RAD51B: variants seen among roughly 807,000 people sequenced by gnomAD.
The protein encoded by RAD51B is RAD51 paralog B.
Under a neutral mutation model 42.2 loss-of-function variants are expected in RAD51B, and 38 were observed. The observed-to-expected ratio is 0.90, with a 90% CI of 0.70 to 1.18. RAD51B has a LOEUF of 1.18. RAD51B is among the 50% of genes most tolerant of loss of function. RAD51B has a pLI of 0.00. For missense variants in RAD51B, 373 were observed against 400.7 expected (o/e 0.93, Z 0.59); for synonymous variants, 154 against 145.2 (o/e 1.06, Z -0.43).
At chr14:68,255,452 C>T (rs2080733658) in intron 7 of RAD51B, among the ~76,000 whole-genome samples, 1 of 152,166 alleles carries the variant, frequency 6.6e-6, no homozygotes, top group Non-Finnish European at 1.5e-5. Flanking sequence ...TACTTTCATA[C>T]CTTAGTTACC....
At chr14:68,555,132 T>C (rs1008875072) in intron 10 of RAD51B, among the ~76,000 whole-genome samples, 2 of 152,116 alleles carry the variant, frequency 1.3e-5, no homozygotes, top group Non-Finnish European at 2.9e-5. Flanking sequence ...AGGCATGAGC[T>C]ACCGTGCCCG....
chr14:68,437,410 T>G (rs1164267081), intron 9 of RAD51B, among the ~76,000 whole-genome samples: 1 of 152,220 alleles, frequency 6.6e-6, no homozygotes, highest in Non-Finnish European at 1.5e-5. Flanking sequence ...TTTGGTTTCC[T>G]ACTGTTTTGT....
chr14:68,021,459 A>G (rs189703123), intron 7 of RAD51B, among the ~76,000 whole-genome samples: 217 of 152,286 alleles, frequency 1.4e-3, no homozygotes, highest in Non-Finnish European at 2.4e-3. Flanking sequence ...TCACAGGGTC[A>G]TTGTCCTTCT....
At chr14:68,594,552 T>C (rs1455360356) in exon 11 of RAD51B, 1 of 1,334,606 alleles carries the variant, frequency 7.5e-7, no homozygotes. Flanking sequence ...CACCTCAGCC[T>C]CCTGAGCAGC....
At chr14:68,582,429 G>A (rs1890250377) in intron 10 of RAD51B, among the ~76,000 whole-genome samples, 1 of 152,202 alleles carries the variant, frequency 6.6e-6, no homozygotes, top group Non-Finnish European at 1.5e-5. Flanking sequence ...GATCACTAGA[G>A]AAATGCAAAT....
At chr14:68,452,067 G>T (rs114757776) in intron 9 of RAD51B, among the ~76,000 whole-genome samples, 4 of 152,176 alleles carry the variant, frequency 2.6e-5, no homozygotes, top group African/African-American at 7.2e-5. Flanking sequence ...GGCCTGGACA[G>T]GAGGACCCAG....
At chr14:68,156,563 A>C (rs995449085) in intron 7 of RAD51B, among the ~76,000 whole-genome samples, 1 of 150,766 alleles carries the variant, frequency 6.6e-6, no homozygotes, top group South Asian at 2.1e-4. Flanking sequence ...TAAGCTGTGC[A>C]TGCAGTATGC....
chr14:68,592,250 ATGATGTGTGTG>A (rs1315558133), intron 10 of RAD51B, among the ~76,000 whole-genome samples: 1 of 139,938 alleles, frequency 7.1e-6, no homozygotes, highest in African/African-American at 2.9e-5. Flanking sequence ...GGGGTAGGCA[ATGATGTGTGTG>A]TGTGTGTGTG....
intron 7 of RAD51B, among the ~76,000 whole-genome samples, chr14:67,924,947 A>T (rs1421576227): frequency 6.6e-6 from 1 of 152,260 alleles, no homozygotes; most frequent in East Asian, 1.9e-4. Flanking sequence ...CAAGTTAGTT[A>T]CTTCCTACAT....
At chr14:68,416,549 G>T (rs939642062) in intron 9 of RAD51B, among the ~76,000 whole-genome samples, 1 of 152,218 alleles carries the variant, frequency 6.6e-6, no homozygotes. Context: ...TCTGAAGGAC[G>T]AAGGACTGCT....
intron 9 of RAD51B, among the ~76,000 whole-genome samples, chr14:68,428,996 C>T (rs145819184): frequency 0.015 from 2,242 of 149,056 alleles, 22 homozygotes; most frequent in Non-Finnish European, 0.023. Flanking sequence ...TGAGTGAGAA[C>T]ATGCAGTGTT....
chr14:68,100,819 G>C (rs1351403877), intron 7 of RAD51B, among the ~76,000 whole-genome samples: 1 of 152,118 alleles, frequency 6.6e-6, no homozygotes, highest in Non-Finnish European at 1.5e-5. Flanking sequence ...GCTGGCCTAG[G>C]GGCATTCAGC....
chr14:68,235,444 C>T (rs1462523733), intron 7 of RAD51B, among the ~76,000 whole-genome samples: 1 of 151,752 alleles, frequency 6.6e-6, no homozygotes, highest in Admixed American at 6.6e-5. Context: ...GTGGCTCACG[C>T]CTGTAATCCC....
intron 10 of RAD51B, among the ~76,000 whole-genome samples, chr14:68,634,305 C>A (rs1892297638): frequency 6.6e-6 from 1 of 152,186 alleles, no homozygotes; most frequent in South Asian, 2.1e-4. Context: ...ATTACTAGTA[C>A]ACCATCCCAA....
intron 8 of RAD51B, among the ~76,000 whole-genome samples, chr14:68,342,752 CTG>C (rs1487733483): frequency 1.4e-4 from 22 of 152,208 alleles, no homozygotes; most frequent in Non-Finnish European, 2.5e-4. Flanking sequence ...CATTTGGTAA[CTG>C]TTGGTACTTG....
intron 7 of RAD51B, among the ~76,000 whole-genome samples, chr14:68,230,798 A>T (rs1383925986): frequency 6.6e-6 from 1 of 152,210 alleles, no homozygotes; most frequent in Non-Finnish European, 1.5e-5. Context: ...GTATTTTTAA[A>T]ATGTAAATCA....
chr14:68,295,443 G>A (rs545609592), intron 8 of RAD51B, among the ~76,000 whole-genome samples: 7 of 152,304 alleles, frequency 4.6e-5, no homozygotes, highest in East Asian at 1.9e-4. Context: ...TTAAAGGAGC[G>A]TGAGAGAGCA....
At chr14:68,499,989 G>A (rs189698112) in intron 10 of RAD51B, among the ~76,000 whole-genome samples, 16 of 152,320 alleles carry the variant, frequency 1.1e-4, no homozygotes, top group Non-Finnish European at 2.1e-4. Flanking sequence ...TGGAGAGAGA[G>A]AGAATCTGGT....
intron 7 of RAD51B, among the ~76,000 whole-genome samples, chr14:68,005,045 GTTTTTTTTTT>G (rs753867497): frequency 1.3e-5 from 1 of 79,498 alleles, no homozygotes; most frequent in South Asian, 4.4e-4. Context: ...GTGTGTGTGT[GTTTTTTTTTT>G]TTTTTTTTTT....
Sources: allele counts gnomAD v4.1 joint callset (sites outside exome capture counted in the v4.1 genomes callset), GRCh38; gene constraint gnomAD v4.1.1; transcripts MANE v1.5; gene names NCBI Gene and HGNC (gene_info 2026-07-23, HGNC 2026-07-21).